ZNF627: variants seen among roughly 807,000 people sequenced by gnomAD.
ZNF627 encodes the protein zinc finger protein 627.
A neutral mutation model predicts 10.6 loss-of-function variants in ZNF627; 12 were observed. The ratio of observed to expected loss-of-function variants is 1.13; its 90% confidence interval spans 0.73 to 1.84. The LOEUF (loss-of-function observed/expected upper bound fraction) is 1.84. Ranked by LOEUF, ZNF627 falls within the 40% of genes most tolerant of loss-of-function variation. ZNF627 has a pLI of 0.00. For missense variants in ZNF627, 504 were observed against 568.4 expected (o/e 0.89, Z 1.15); for synonymous variants, 176 against 187.1 (o/e 0.94, Z 0.48).
intron 1 of ZNF627, among the ~76,000 whole-genome samples, chr19:11,612,053 C>G (rs1363611669): frequency 1.3e-5 from 2 of 150,582 alleles, no homozygotes; most frequent in East Asian, 3.9e-4. Flanking sequence ...TTAGTTTTAG[C>G]TGTTACCTTT....
At chr19:11,607,201 A>G (rs1418479779) in intron 1 of ZNF627, among the ~76,000 whole-genome samples, 2 of 152,046 alleles carry the variant, frequency 1.3e-5, no homozygotes, top group East Asian at 3.8e-4. Flanking sequence ...CAATGGCGCA[A>G]TCTTGGCTCA....
At chr19:11,610,975 C>T (rs1407186217) in intron 1 of ZNF627, among the ~76,000 whole-genome samples, 1 of 152,092 alleles carries the variant, frequency 6.6e-6, no homozygotes, top group Admixed American at 6.6e-5. Context: ...GCCTCAGCCT[C>T]TGGAGTAGCT....
At chr19:11,602,388 C>T (rs10415195) in intron 1 of ZNF627, among the ~76,000 whole-genome samples, 6 of 152,204 alleles carry the variant, frequency 3.9e-5, no homozygotes, top group Non-Finnish European at 2.9e-5. Context: ...GCAGTGTCAT[C>T]TAAGTCATAA....
At position 11,603,520 on chromosome 19, in the gene ZNF627, C is replaced by T. The variant is rs1973624100; in HGVS notation, c.3+5890C>T. On this transcript the variant is annotated intron_variant, in intron 1 of 3. Coordinates refer to ENST00000361113, the MANE Select transcript of ZNF627 (RefSeq NM_145295.4). ...TAAGCTGGTCTTGAACTCCTGGGCTCAAGCAGTCCACCCAGCTATGCCTCC... is the reference window on the plus strand; with the variant it reads ...TAAGCTGGTCTTGAACTCCTGGGCTTAAGCAGTCCACCCAGCTATGCCTCC... Among the ~76,000 whole-genome samples, 4 of 151,534 alleles carry T rather than the reference C, an allele frequency of 2.6e-5. No homozygotes were observed. The South Asian group carries it at 8.3e-4, about 31-fold the overall frequency.
chr19:11,611,114 A>C (rs1973765409), intron 1 of ZNF627, among the ~76,000 whole-genome samples: 2 of 152,142 alleles, frequency 1.3e-5, no homozygotes, highest in African/African-American at 4.8e-5. Flanking sequence ...TGGCCTCCCA[A>C]AGTGCTGGGA....
chr19:11,607,539 C>T (rs1171947810), intron 1 of ZNF627, among the ~76,000 whole-genome samples: 5 of 152,082 alleles, frequency 3.3e-5, no homozygotes, highest in Non-Finnish European at 7.4e-5. Flanking sequence ...CACCAGATAC[C>T]GTAAGTCATC....
intron 1 of ZNF627, among the ~76,000 whole-genome samples, chr19:11,599,539 G>A (rs1193126452): frequency 6.6e-6 from 1 of 152,178 alleles, no homozygotes; most frequent in Non-Finnish European, 1.5e-5. Context: ...AAAATGCAGT[G>A]TCTCTTGGAA....
chr19:11,603,319 G>A (rs1973619662), intron 1 of ZNF627, among the ~76,000 whole-genome samples: 1 of 127,242 alleles, frequency 7.9e-6, no homozygotes, highest in African/African-American at 3.0e-5. Context: ...GAGTCTCACT[G>A]TGTAGCCCAG....
Position 11,597,685 on chromosome 19 carries a change from G to C in ZNF627, c.3+55G>C, listed in dbSNP as rs200392733. The C allele has an allele frequency of 2.0e-3, 2,608 of 1,327,814 alleles. 1 individual carries two copies. The highest frequency in any genetic ancestry group is 2.3e-3 in the Non-Finnish European group (2,418 of 1,030,440). 82.3% of individuals were successfully genotyped at this position (1,327,814 alleles called of 1,614,324 possible). On this transcript the variant is annotated intron_variant, in intron 1 of 3. Transcript: ENST00000361113. ...CCTGGGGGAGGGGCTGGTTGGAACCGGCCGGAACCGGCTGTGGAGGGACCT... is the reference window on the plus strand; with the variant it reads ...CCTGGGGGAGGGGCTGGTTGGAACCCGCCGGAACCGGCTGTGGAGGGACCT...
Position 11,614,896 on chromosome 19 carries a change from C to A in ZNF627, c.191+9C>A. On this transcript the variant is annotated intron_variant, in intron 3 of 3. Transcript: ENST00000361113. ...CCCAGGAGAAATATAAGGTAATTTG[C>A]ACTCACAAAAGAAAGTTCTGTTCCT... The A allele has an allele frequency of 1.3e-6, 2 of 1,592,398 alleles. No individual in the cohort carries two copies. The highest frequency in any genetic ancestry group is 1.7e-6 in the Non-Finnish European group (2 of 1,169,806).
At chr19:11,609,337 A>G (rs1467154607) in intron 1 of ZNF627, among the ~76,000 whole-genome samples, 1 of 151,260 alleles carries the variant, frequency 6.6e-6, no homozygotes, top group African/African-American at 2.4e-5. Flanking sequence ...AAGGTGGTTA[A>G]TTTTATCTTC....
chr19:11,613,635 C>T (rs1054124601), intron 1 of ZNF627, among the ~76,000 whole-genome samples: 20 of 152,088 alleles, frequency 1.3e-4, no homozygotes, highest in Non-Finnish European at 2.5e-4. Context: ...GGATTACAGG[C>T]GTGAGCCACC....
chr19:11,617,476 C>T lies in ZNF627; in HGVS notation c.973C>T (p.His325Tyr). 1 of 1,613,744 alleles carries T rather than the reference C, an allele frequency of 6.2e-7. No homozygotes were observed. The highest frequency in any genetic ancestry group is 1.1e-5 in the South Asian group (1 of 91,068). ...GACTTGTCTTGCAAGTGTTAGAAGA[C>T]ACATGATAAAGCACACTGGCAATGG... ...ALTCLASVRR[H>Y]MIKHTGNGPY... Residue 325 changes from histidine (H) to tyrosine (Y), a missense_variant, in exon 4 of 4, where the codon CAC becomes TAC. Transcript: ENST00000361113.
At chr19:11,605,615 GAAC>G (rs1196630892) in intron 1 of ZNF627, among the ~76,000 whole-genome samples, 1 of 152,048 alleles carries the variant, frequency 6.6e-6, no homozygotes, top group Admixed American at 6.6e-5. Flanking sequence ...ACTATTATGA[GAAC>G]AACATGGAGG....
chr19:11,618,135 T>A lies in ZNF627; in HGVS notation c.*246T>A. On this transcript the variant is annotated 3_prime_UTR_variant, in exon 4 of 4. Transcript: ENST00000361113. The stretch of plus-strand genomic sequence containing the variant: ...CTAGATTTCCCAGAATCCATTCCAT[T>A]TGTGATTCCATGATACAATTCACCA... 2.3e-6 allele frequency: 1 copy of A among 429,218 alleles called. No homozygotes were observed. Among genetic ancestry groups the A allele is most frequent in the Non-Finnish European group, 4.1e-6 (1 of 245,278 alleles). 26.6% of individuals were successfully genotyped at this position (429,218 alleles called of 1,614,324 possible). A position where few individuals can be genotyped will look rare whatever the true frequency, so the allele number is the denominator to read the frequency against.
intron 1 of ZNF627, among the ~76,000 whole-genome samples, chr19:11,604,932 A>G (rs1422083983): frequency 6.6e-6 from 1 of 152,128 alleles, no homozygotes; most frequent in Non-Finnish European, 1.5e-5. Flanking sequence ...AGGAGTCTCT[A>G]TAAACTACCT....
In ZNF627 at chr19:11,616,911, G is replaced by T. The variant is rs1178347569; in HGVS notation, c.408G>T (p.Lys136Asn). Reference protein sequence around the residue: ...REPNEYQEYGKKSYTRNQCGR... With the variant: ...REPNEYQEYGNKSYTRNQCGR... The stretch of plus-strand genomic sequence containing the variant: ...CAAATGAATATCAGGAATATGGAAA[G>T]AAGTCATATACACGTAACCAGTGTG... Residue 136 changes from lysine (K) to asparagine (N), a missense_variant, in exon 4 of 4, where the codon AAG becomes AAT. Physicochemically the swap from Lys to Asn is moderately conservative, Grantham distance 94. Coordinates refer to ENST00000361113, the MANE Select transcript of ZNF627 (RefSeq NM_145295.4). 1 of 1,614,130 alleles carries T rather than the reference G, an allele frequency of 6.2e-7. No homozygotes were observed. The highest frequency in any genetic ancestry group is 1.1e-5 in the South Asian group (1 of 91,070).
rs1324615647 is a variant in ZNF627, at chr19:11,618,968, A to G, written c.*1079A>G. The stretch of plus-strand genomic sequence containing the variant: ...CCTCCTCATGTAAATTTTACTTTTC[A>G]TGCTTATATAGTTTCAACTTTTATC... On this transcript the variant is annotated 3_prime_UTR_variant, in exon 4 of 4. Transcript: ENST00000361113. 6.6e-6 allele frequency: 1 copy of G among 152,152 alleles called. No homozygotes were observed. Among genetic ancestry groups the G allele is most frequent in the Non-Finnish European group, 1.5e-5 (1 of 68,032 alleles). 9.4% of individuals were successfully genotyped at this position (152,152 alleles called of 1,614,324 possible).
intron 1 of ZNF627, among the ~76,000 whole-genome samples, chr19:11,605,055 T>C (rs550621765): frequency 6.6e-6 from 1 of 151,322 alleles, no homozygotes; most frequent in East Asian, 1.9e-4. Context: ...ACTTGAGACC[T>C]CTTCAGCCTA....
Sources: gnomAD v4.1 joint callset for allele counts (sites outside exome capture counted in the v4.1 genomes callset) on GRCh38, gnomAD v4.1.1 for gene constraint, MANE v1.5 for transcripts, NCBI Gene and HGNC (gene_info 2026-07-23, HGNC 2026-07-21) for gene names.